The following FER1L6 variants were observed in gnomAD, a reference collection of about 807,000 sequenced individuals.
The protein encoded by FER1L6 is fer-1-like protein 6.
Under a neutral mutation model 219.2 loss-of-function variants are expected in FER1L6, and 177 were observed. That is an observed-to-expected ratio of 0.81 (90% CI 0.71 to 0.91). FER1L6 has a LOEUF of 0.91. Ranked by LOEUF, FER1L6 falls within the 40% of genes least tolerant of loss-of-function variation. The probability of loss-of-function intolerance (pLI) is 0.00; values close to 1 mark genes in which losing one functional copy is unlikely to be tolerated. For missense variants in FER1L6, 2,153 were observed against 2,259.9 expected (o/e 0.95, Z 0.96); for synonymous variants, 768 against 824.3 (o/e 0.93, Z 1.17).
At chr8:123,953,370 C>T (rs1814859002) in intron 1 of FER1L6, among the ~76,000 whole-genome samples, 2 of 152,198 alleles carry the variant, frequency 1.3e-5, no homozygotes, top group African/African-American at 4.8e-5. Flanking sequence ...CACTGCTTCT[C>T]AACACTGGGT....
intron 1 of FER1L6, among the ~76,000 whole-genome samples, chr8:123,891,289 T>C (rs534501180): frequency 6.6e-5 from 10 of 152,218 alleles, no homozygotes; most frequent in Non-Finnish European, 1.5e-4. Context: ...GCGATGATAT[T>C]CTTTTAAAAT....
intron 18 of FER1L6, among the ~76,000 whole-genome samples, chr8:124,030,081 G>A (rs1241201647): frequency 6.6e-6 from 1 of 152,130 alleles, no homozygotes; most frequent in African/African-American, 2.4e-5. Context: ...TTGTAGATGT[G>A]TGGTGTTATT....
chr8:124,053,784 G>A (rs1298473853), intron 22 of FER1L6, among the ~76,000 whole-genome samples: 1 of 152,122 alleles, frequency 6.6e-6, no homozygotes, highest in Non-Finnish European at 1.5e-5. Flanking sequence ...CTTGAGCCTG[G>A]GAGGTCGAGG....
chr8:124,067,700 T>C, intron 27 of FER1L6, 67 bp from the exon 28 acceptor site: 1 of 1,363,424 alleles, frequency 7.3e-7, no homozygotes, highest in Non-Finnish European at 1.0e-6. Context: ...AGGGCTGAGA[T>C]AATTGTTAGC....
At position 123,853,624 on chromosome 8, in the gene FER1L6, G is replaced by C. The variant is rs1280048969; in HGVS notation, c.-8+1439G>C. ...AGGGTGGATGAGTAGAGAAAAAGGGGTAGGTACGCCTCACCACGGGCAAGC... is the reference window on the plus strand; with the variant it reads ...AGGGTGGATGAGTAGAGAAAAAGGGCTAGGTACGCCTCACCACGGGCAAGC... On this transcript the variant is annotated intron_variant, in intron 1 of 40. Transcript: ENST00000522917. This position sits in a 1 kb window ranked among gnomAD's most constrained non-coding sequence, Gnocchi z 6.6. 6.6e-6 allele frequency among the ~76,000 whole-genome samples: 1 copy of C among 152,128 alleles called. No homozygotes were observed. The highest frequency in any genetic ancestry group is 1.9e-4 in the East Asian group (1 of 5,174).
Position 124,066,546 on chromosome 8 carries a change from AG to A in FER1L6, c.3675del (p.Lys1226ArgfsTer21). ...TATTATGCCTCCCTGAAGAAAGCCCAGAAGGTAGAGTCTCCCCTACCTGTGG... is the reference window on the plus strand; with the variant it reads ...TATTATGCCTCCCTGAAGAAAGCCCAAAGGTAGAGTCTCCCCTACCTGTGG... The part of the protein sequence containing the change: ...SKYYASLKKA[Q>X]KAKERNPKGK... On this transcript the variant is annotated frameshift_variant, in exon 27 of 41. Transcript: ENST00000522917. LOFTEE classifies it high-confidence loss of function. 6.2e-7 allele frequency: 1 copy of A among 1,613,782 alleles called. No homozygotes were observed. Among genetic ancestry groups the A allele is most frequent in the Middle Eastern group, 1.7e-4 (1 of 6,060 alleles).
chr8:123,872,602 A>G (rs1180453523), intron 1 of FER1L6, among the ~76,000 whole-genome samples: 1 of 152,250 alleles, frequency 6.6e-6, no homozygotes, highest in Non-Finnish European at 1.5e-5. Flanking sequence ...CAAATGTAAC[A>G]TACTAATGTA....
At chr8:123,898,728 T>TAC (rs1812795638) in intron 1 of FER1L6, among the ~76,000 whole-genome samples, 1 of 144,980 alleles carries the variant, frequency 6.9e-6, no homozygotes, top group African/African-American at 2.6e-5. Context: ...TATGTGTATA[T>TAC]ATAGTATATA....
chr8:124,025,517 A>G (rs899363095), intron 18 of FER1L6, among the ~76,000 whole-genome samples: 1 of 152,138 alleles, frequency 6.6e-6, no homozygotes, highest in Non-Finnish European at 1.5e-5. Context: ...TAGGTTCTCT[A>G]TTCTATTCCA....
chr8:123,912,062 G>A (rs1368773779), intron 1 of FER1L6, among the ~76,000 whole-genome samples: 2 of 152,074 alleles, frequency 1.3e-5, no homozygotes, highest in African/African-American at 4.8e-5. Context: ...CTAGATTCTT[G>A]TTTAGCAACT....
At chr8:124,050,125 C>T (rs564136751) in intron 22 of FER1L6, among the ~76,000 whole-genome samples, 36 of 152,258 alleles carry the variant, frequency 2.4e-4, no homozygotes, top group Admixed American at 2.0e-3. Context: ...TGATTGTTGT[C>T]TCGTATACCT....
chr8:123,856,437 A>T (rs2130242331), intron 1 of FER1L6, among the ~76,000 whole-genome samples: 1 of 150,376 alleles, frequency 6.6e-6, no homozygotes, highest in Non-Finnish European at 1.5e-5. Context: ...GAGAGAAGGA[A>T]GAACTTGGGT....
intron 25 of FER1L6, among the ~76,000 whole-genome samples, chr8:124,062,789 T>C (rs886812866): frequency 2.6e-5 from 4 of 152,056 alleles, no homozygotes; most frequent in Non-Finnish European, 4.4e-5. Flanking sequence ...CACCCAGGGG[T>C]GAGATGACTA....
chr8:123,940,425 C>T (rs1814192166), intron 1 of FER1L6, among the ~76,000 whole-genome samples: 1 of 152,140 alleles, frequency 6.6e-6, no homozygotes, highest in African/African-American at 2.4e-5. Flanking sequence ...GCAACCTCCG[C>T]CTCCCAAGTT....
intron 34 of FER1L6, among the ~76,000 whole-genome samples, chr8:124,094,494 ATTTAT>A (rs1237815643): frequency 1.3e-5 from 2 of 148,562 alleles, no homozygotes; most frequent in Non-Finnish European, 1.5e-5. Flanking sequence ...TTATTTATTT[ATTTAT>A]TTTGAGACAG....
At chr8:123,970,158 A>T in intron 6 of FER1L6, 61 bp downstream of exon 6, 4 of 1,418,670 alleles carry the variant, frequency 2.8e-6, no homozygotes, top group Non-Finnish European at 4.0e-6. Context: ...GGCATTGGGG[A>T]CTCTCTGGGA....
intron 20 of FER1L6, among the ~76,000 whole-genome samples, chr8:124,042,267 A>G (rs536059970): frequency 1.3e-5 from 2 of 152,352 alleles, no homozygotes; most frequent in East Asian, 1.9e-4. Context: ...TTTGAAAGGG[A>G]AAATAGGTTC....
At chr8:123,906,911 C>T (rs1002891001) in intron 1 of FER1L6, among the ~76,000 whole-genome samples, 5 of 151,984 alleles carry the variant, frequency 3.3e-5, no homozygotes, top group Admixed American at 2.6e-4. Context: ...CTTGGATATT[C>T]GTTCTTCCCT....
chr8:124,094,982 C>T lies in FER1L6; in HGVS notation c.4639C>T (p.Pro1547Ser). Residue 1547 changes from proline (P) to serine (S), a missense_variant, in exon 35 of 41, where the codon CCT (proline) becomes TCT (serine). Pro to Ser is a moderately conservative substitution (Grantham distance 74). Transcript: ENST00000522917. The stretch of plus-strand genomic sequence containing the variant: ...CCCGGAAGTCGGGTGTAGGCTGGTT[C>T]CTGAACACATAGAAACTCGGCCACT... ...DIPEVGCRLVPEHIETRPLYH... is the reference protein window; with the variant it reads ...DIPEVGCRLVSEHIETRPLYH... The T allele has an allele frequency of 6.2e-7, 1 of 1,614,062 alleles. No homozygotes were observed.
Sources: gnomAD v4.1 joint callset for allele counts (sites outside exome capture counted in the v4.1 genomes callset) on GRCh38, gnomAD v4.1.1 for gene constraint, Gnocchi (gnomAD v3.1) non-coding constraint, MANE v1.5 for transcripts, NCBI Gene and HGNC (gene_info 2026-07-23, HGNC 2026-07-21) for gene names.